FAM222A: variants seen among roughly 807,000 people sequenced by gnomAD.
FAM222A encodes the protein protein FAM222A.
Under a neutral mutation model 25.8 loss-of-function variants are expected in FAM222A, and 7 were observed. The observed-to-expected ratio is 0.27, with a 90% CI of 0.15 to 0.51. The LOEUF (loss-of-function observed/expected upper bound fraction) is 0.51, where lower values mean the gene tolerates loss of function less well. FAM222A is among the 20% of genes least tolerant of loss of function. The probability of loss-of-function intolerance (pLI) is 0.97; values close to 1 mark genes in which losing one functional copy is unlikely to be tolerated. For missense variants in FAM222A, 573 were observed against 640.5 expected (o/e 0.89, Z 1.14); for synonymous variants, 294 against 298.8 (o/e 0.98, Z 0.17).
intron 1 of FAM222A, among the ~76,000 whole-genome samples, chr12:109,740,794 A>G (rs1888218603): frequency 6.6e-6 from 1 of 152,314 alleles, no homozygotes; most frequent in South Asian, 2.1e-4. Context: ...CCTAAGAAAC[A>G]CAGTCCAGCG....
intron 2 of FAM222A, among the ~76,000 whole-genome samples, chr12:109,757,298 A>G (rs900637702): frequency 2.0e-4 from 31 of 152,252 alleles, no homozygotes; most frequent in African/African-American, 6.3e-4. Context: ...GATAAAAGCA[A>G]AGGGACCAAA....
rs745850582 is a variant in FAM222A at position 109,769,326 on chromosome 12, G to A, written c.*38G>A. ...GGACATACGGACATGCGGACAGGGCGCAGAGCCGGGAGGCAGGCCGCAGAA... is the reference window on the plus strand; with the variant it reads ...GGACATACGGACATGCGGACAGGGCACAGAGCCGGGAGGCAGGCCGCAGAA... On this transcript the variant is annotated 3_prime_UTR_variant, in exon 3 of 3. Transcript: ENST00000538780. 1.4e-5 allele frequency: 22 copies of A among 1,541,724 alleles called. No homozygotes were observed. The highest frequency in any genetic ancestry group is 1.7e-4 in the Middle Eastern group (1 of 5,908).
At chr12:109,759,149 C>G (rs1888816504) in intron 2 of FAM222A, among the ~76,000 whole-genome samples, 1 of 152,204 alleles carries the variant, frequency 6.6e-6, no homozygotes, top group Non-Finnish European at 1.5e-5. Flanking sequence ...GAACCCACCT[C>G]CAAGTCTCCT....
intron 1 of FAM222A, among the ~76,000 whole-genome samples, chr12:109,742,681 A>T (rs1257483065): frequency 1.3e-5 from 2 of 150,914 alleles, no homozygotes; most frequent in Non-Finnish European, 2.9e-5. Flanking sequence ...TCCCTTTCAG[A>T]GGAAATCATT....
chr12:109,763,941 TGG>T (rs1409995978), intron 2 of FAM222A, among the ~76,000 whole-genome samples: 2 of 152,064 alleles, frequency 1.3e-5, no homozygotes, highest in Admixed American at 1.3e-4. Context: ...CCATGGAGGC[TGG>T]GTGCCGTGGC....
In FAM222A at chr12:109,758,068, G is replaced by T. The variant is rs150620025; in HGVS notation, c.83-9944G>T. ...AAGTGTCCCCAGCCCCACCAGCAGG[G>T]CCACCTTGGCCGCTCCAGGGCTGTG... On this transcript the variant is annotated intron_variant, in intron 2 of 2. Coordinates refer to ENST00000538780, the MANE Select transcript of FAM222A (RefSeq NM_032829.3). 1.1e-4 allele frequency among the ~76,000 whole-genome samples: 17 copies of T among 152,304 alleles called. No individual in the cohort carries two copies. In the East Asian group the frequency reaches 3.1e-3, roughly 28 times the overall value.
intron 1 of FAM222A, among the ~76,000 whole-genome samples, chr12:109,736,361 C>T (rs1420243727): frequency 6.6e-6 from 1 of 152,226 alleles, no homozygotes; most frequent in Non-Finnish European, 1.5e-5. Flanking sequence ...CACAAGGACC[C>T]TGGCACTTTG....
intron 1 of FAM222A, among the ~76,000 whole-genome samples, chr12:109,718,230 C>T (rs564394460): frequency 6.6e-6 from 1 of 152,318 alleles, no homozygotes; most frequent in East Asian, 1.9e-4. Context: ...AGGTTGAAGA[C>T]CCCATTTGCA....
chr12:109,722,114 C>T lies in FAM222A; in HGVS notation c.-47+7217C>T, dbSNP rs145450758. On this transcript the variant is annotated intron_variant, in intron 1 of 2. Coordinates refer to ENST00000538780, the MANE Select transcript of FAM222A (RefSeq NM_032829.3). ...GCTTTAAAGGCTGGTGGGCTTCTGA[C>T]GGGCAGAGCCAGGAAGGGTGAACGT... 7.0e-3 allele frequency among the ~76,000 whole-genome samples: 1,071 copies of T among 152,216 alleles called. 6 individuals are homozygous for T. The highest frequency in any genetic ancestry group is 0.018 in the South Asian group (86 of 4,822).
At position 109,768,831 on chromosome 12, in the gene FAM222A, G is replaced by T. The variant is rs200880090; in HGVS notation, c.902G>T (p.Arg301Leu). 2 of 1,578,974 alleles carry T rather than the reference G, an allele frequency of 1.3e-6. No individual in the cohort carries two copies. Among genetic ancestry groups the T allele is most frequent in the Non-Finnish European group, 1.7e-6 (2 of 1,169,250 alleles). ...KPPPPPPQPLRAYSGSTVASK... is the reference protein window; with the variant it reads ...KPPPPPPQPLLAYSGSTVASK... ...CCCCCACCGCCGCCCCAGCCACTGC[G>T]TGCCTACAGTGGGAGCACGGTGGCC... The change falls in exon 3 of 3, where the codon CGT becomes CTT. Residue 301 changes from arginine to leucine, a missense_variant. By Grantham distance (102) the Arg-to-Leu change is moderately radical. Coordinates refer to ENST00000538780, the MANE Select transcript of FAM222A (RefSeq NM_032829.3).
chr12:109,763,536 T>C (rs1888957200), intron 2 of FAM222A, among the ~76,000 whole-genome samples: 1 of 152,176 alleles, frequency 6.6e-6, no homozygotes, highest in African/African-American at 2.4e-5. Flanking sequence ...CACATGGTCT[T>C]CTTGGCTGAA....
intron 1 of FAM222A, among the ~76,000 whole-genome samples, chr12:109,719,705 C>T (rs540963898): frequency 5.9e-5 from 9 of 151,932 alleles, no homozygotes; most frequent in Admixed American, 1.3e-4. Context: ...TTTGGAGACC[C>T]GGGAGCATGA....
At chr12:109,749,340 A>C (rs780919237) in intron 2 of FAM222A, among the ~76,000 whole-genome samples, 6 of 152,296 alleles carry the variant, frequency 3.9e-5, no homozygotes, top group Admixed American at 3.3e-4. Flanking sequence ...TCCCGGCCTC[A>C]GGTGATTTGC....
At position 109,723,281 on chromosome 12, in the gene FAM222A, C is replaced by T. The variant is rs925660105; in HGVS notation, c.-47+8384C>T. On this transcript the variant is annotated intron_variant, in intron 1 of 2. Transcript: ENST00000538780. ...ATTCTTAGTATTTGCCTTGATTTCC[C>T]TACCTGCGTTCAAAGGGACATAAGG... Among the ~76,000 whole-genome samples, 9 of 152,190 alleles carry T rather than the reference C, an allele frequency of 5.9e-5. No individual in the cohort carries two copies. In the East Asian group the frequency reaches 1.5e-3, roughly 26 times the overall value.
intron 1 of FAM222A, among the ~76,000 whole-genome samples, chr12:109,731,258 C>T (rs1273546486): frequency 6.6e-6 from 1 of 152,008 alleles, no homozygotes; most frequent in Non-Finnish European, 1.5e-5. Context: ...AGGGGTAACT[C>T]AACTGGCTGC....
intron 2 of FAM222A, among the ~76,000 whole-genome samples, chr12:109,758,769 G>A (rs1888805448): frequency 6.6e-6 from 1 of 152,212 alleles, no homozygotes; most frequent in Admixed American, 6.5e-5. Context: ...AAAGGGGAAT[G>A]CAGATGTGGA....
chr12:109,752,398 T>A (rs1888588016), intron 2 of FAM222A, among the ~76,000 whole-genome samples: 1 of 152,272 alleles, frequency 6.6e-6, no homozygotes. Flanking sequence ...AATCAGTGCC[T>A]GGACGCTAAG....
Position 109,768,732 on chromosome 12 carries a change from C to T in FAM222A, c.803C>T (p.Thr268Met), listed in dbSNP as rs1156483273. 12 of 1,578,522 alleles carry T rather than the reference C, an allele frequency of 7.6e-6. No homozygotes were observed. The highest frequency in any genetic ancestry group is 4.6e-5 in the East Asian group (2 of 43,830). ...GGCCAGGGAGCCACCCAAGCCTTGA[C>T]GTTGGCTGGGGCCGCCAAGCCTGCA... is the stretch of plus-strand genomic sequence containing the variant. ...ELGQGATQAL[T>M]LAGAAKPAGY... The change falls in exon 3 of 3, where the codon ACG becomes ATG. Residue 268 changes from threonine (T) to methionine (M), a missense_variant. By Grantham distance (81) the Thr-to-Met change is moderately conservative. Transcript: ENST00000538780.
chr12:109,739,068 G>A (rs1888162179), intron 1 of FAM222A, among the ~76,000 whole-genome samples: 1 of 152,212 alleles, frequency 6.6e-6, no homozygotes, highest in Non-Finnish European at 1.5e-5. Context: ...GGCCTTGAAT[G>A]GAGCCACAGA....
Sources: allele counts gnomAD v4.1 joint callset (sites outside exome capture counted in the v4.1 genomes callset), GRCh38; gene constraint gnomAD v4.1.1; transcripts MANE v1.5; gene names NCBI Gene and HGNC (gene_info 2026-07-23, HGNC 2026-07-21).